Variants in NAALAD2 observed in about 807,000 individuals in gnomAD.
The protein encoded by NAALAD2 is N-acetylated alpha-linked acidic dipeptidase 2, also known as N-acetylated-alpha-linked acidic dipeptidase 2.
In NAALAD2, 89 loss-of-function variants were observed where a neutral mutation model predicts 95.6. That is an observed-to-expected ratio of 0.93 (90% CI 0.78 to 1.11). The LOEUF is 1.11. NAALAD2 is among the 50% of genes least tolerant of loss of function. The pLI is 0.00. For missense variants in NAALAD2, 894 were observed against 872.4 expected, an observed-to-expected ratio of 1.02 and a Z score of -0.31; for synonymous variants, 264 against 294.4, an observed-to-expected ratio of 0.90 and a Z score of 1.06.
intron 14 of NAALAD2, among the ~76,000 whole-genome samples, chr11:90,175,189 A>G (rs943368044): frequency 5.3e-5 from 8 of 152,178 alleles, no homozygotes; most frequent in South Asian, 4.1e-4. Context: ...CCTCATTTCA[A>G]ATCAGTCTTG....
intron 3 of NAALAD2, among the ~76,000 whole-genome samples, 161 bp downstream of exon 3, chr11:90,147,677 A>G (rs2000532): frequency 0.45 from 68,353 of 151,582 alleles, 16,412 homozygotes; most frequent in African/African-American, 0.62. Context: ...AATAAGACTA[A>G]GGCATGGTTC....
rs761547025 is a variant in NAALAD2 at position 90,177,930 on chromosome 11, C to A, written c.1671C>A (p.Asp557Glu). 2.5e-6 allele frequency: 4 copies of A among 1,613,642 alleles called. No individual in the cohort carries two copies. The highest frequency in any genetic ancestry group is 3.4e-6 in the Non-Finnish European group (4 of 1,179,870). Residue 557 changes from aspartate to glutamate, a missense_variant, in exon 16 of 19, where the codon GAC (aspartate) becomes GAA (glutamate). Coordinates refer to ENST00000534061, the MANE Select transcript of NAALAD2 (RefSeq NM_005467.4). ...ETFELVEKFY[D>E]PTFKKQLSVA... ...TTGAATTGGTAGAGAAATTTTATGA[C>A]CCCACATTTAAAAAACAACTTTCTG...
chr11:90,178,945 TGTA>T (rs1952886575), intron 16 of NAALAD2, among the ~76,000 whole-genome samples: 1 of 152,174 alleles, frequency 6.6e-6, no homozygotes, highest in African/African-American at 2.4e-5. Flanking sequence ...ATGCAGTGTA[TGTA>T]GTAGCATTGA....
At position 90,180,773 on chromosome 11, in the gene NAALAD2, A is replaced by G. The variant is rs1231876247; in HGVS notation, c.1859-847A>G. On this transcript the variant is annotated intron_variant, in intron 16 of 18. Coordinates refer to ENST00000534061, the MANE Select transcript of NAALAD2 (RefSeq NM_005467.4). ...CTCTATATTGGTGAGTTCTGCATCC[A>G]TGTATTCAACCAACTGCAAGCCAAA... Among the ~76,000 whole-genome samples the G allele has an allele frequency of 4.6e-5, 7 of 152,210 alleles. No homozygotes were observed. In the South Asian group the frequency reaches 8.3e-4, roughly 18 times the overall value.
chr11:90,167,010 C>T (rs904180437), intron 11 of NAALAD2, among the ~76,000 whole-genome samples: 2 of 152,164 alleles, frequency 1.3e-5, no homozygotes, highest in African/African-American at 4.8e-5. Context: ...ATTAGCCAGG[C>T]GTCGTGGTGA....
chr11:90,144,757 G>GAAAAAAAAAAA (rs1302696048), intron 2 of NAALAD2, among the ~76,000 whole-genome samples: 44 of 129,378 alleles, frequency 3.4e-4, no homozygotes, highest in African/African-American at 6.2e-4. Context: ...AAAAAAAAAC[G>GAAAAAAAAAAA]GAAAAGAAAG....
At chr11:90,185,571 G>C (rs1857112566) in intron 18 of NAALAD2, among the ~76,000 whole-genome samples, 1 of 152,062 alleles carries the variant, frequency 6.6e-6, no homozygotes, top group Non-Finnish European at 1.5e-5. Context: ...GGAGGGTAAG[G>C]CAGGGGGATT....
At chr11:90,146,343 A>T (rs1288943595) in intron 2 of NAALAD2, among the ~76,000 whole-genome samples, 3 of 47,942 alleles carry the variant, frequency 6.3e-5, no homozygotes, top group Non-Finnish European at 7.3e-5. Flanking sequence ...GGGGAGTTTA[A>T]TTTTTTTTTT....
intron 11 of NAALAD2, among the ~76,000 whole-genome samples, chr11:90,164,675 G>A (rs1464716699): frequency 1.3e-5 from 2 of 152,112 alleles, no homozygotes; most frequent in African/African-American, 4.8e-5. Flanking sequence ...AATCCACACA[G>A]TAAGTGATCA....
chr11:90,191,857 TTTTGATTATAG>T lies in NAALAD2; in HGVS notation c.*111_*121del, dbSNP rs1857338413. ...TGTTCTAAACTCTTTTCATGTCATG[TTTTGATTATAG>T]GCTTTGGTCTTTTCATCTGCAAAGC... On this transcript the variant is annotated 3_prime_UTR_variant, in exon 19 of 19. Coordinates refer to ENST00000534061, the MANE Select transcript of NAALAD2 (RefSeq NM_005467.4). The T allele has an allele frequency of 1.2e-6, 1 of 832,436 alleles. No homozygotes were observed. The highest frequency in any genetic ancestry group is 1.7e-6 in the Non-Finnish European group (1 of 592,118). 51.6% of individuals were successfully genotyped at this position (832,436 alleles called of 1,614,324 possible).
intron 8 of NAALAD2, among the ~76,000 whole-genome samples, chr11:90,160,920 A>G (rs1412683794): frequency 1.3e-5 from 2 of 152,210 alleles, no homozygotes; most frequent in East Asian, 3.8e-4. Context: ...AGAGATCTTG[A>G]AAATCCATTA....
chr11:90,181,836 C>T lies in NAALAD2; in HGVS notation c.1940+135C>T. 3 of 604,596 alleles carry T rather than the reference C, an allele frequency of 5.0e-6. No individual in the cohort carries two copies. The South Asian group carries it at 6.9e-5, about 14-fold the overall frequency. The allele number at this position is 604,596 out of a possible 1,614,324, so 37.5% of individuals were successfully genotyped here. A position where few individuals can be genotyped will look rare whatever the true frequency, so the allele number is the denominator to read the frequency against. Reference sequence around the variant, plus strand: ...ATTATAGTCTGCAAATCAGCAATAGCAGTAGTACCTGAGAACTTGTTAGAA... The same window carrying T: ...ATTATAGTCTGCAAATCAGCAATAGTAGTAGTACCTGAGAACTTGTTAGAA... On this transcript the variant is annotated intron_variant, in intron 17 of 18. Transcript: ENST00000534061.
At chr11:90,134,578 T>TC (rs769541978), upstream of NAALAD2, 16 of 592,494 alleles carry the variant, frequency 2.7e-5, no homozygotes, top group Non-Finnish European at 4.2e-5. Flanking sequence ...GGGCTTCCTT[T>TC]CCCCCATCGA....
intron 5 of NAALAD2, among the ~76,000 whole-genome samples, chr11:90,151,974 T>C (rs1951899407): frequency 6.6e-6 from 1 of 152,216 alleles, no homozygotes; most frequent in Non-Finnish European, 1.5e-5. Context: ...AGATATTTAA[T>C]AGATGTTTTA....
Position 90,182,912 on chromosome 11 carries a change from G to A in NAALAD2, c.1941-4G>A, listed in dbSNP as rs9804632. On this transcript the variant is annotated splice_polypyrimidine_tract_variant and splice_region_variant and intron_variant, in intron 17 of 18. Coordinates refer to ENST00000534061, the MANE Select transcript of NAALAD2 (RefSeq NM_005467.4). ...TTATAATTATGTATATGTTCTTCTCGAAGTCCCATTGCAGTGAGAATGATG... is the reference window on the plus strand; with the variant it reads ...TTATAATTATGTATATGTTCTTCTCAAAGTCCCATTGCAGTGAGAATGATG... The A allele has an allele frequency of 2.5e-6, 4 of 1,599,170 alleles. No homozygotes were observed. The highest frequency in any genetic ancestry group is 2.2e-5 in the South Asian group (2 of 90,458).
At chr11:90,155,881 A>C (rs936896807) in intron 6 of NAALAD2, among the ~76,000 whole-genome samples, 1 of 142,864 alleles carries the variant, frequency 7.0e-6, no homozygotes, top group Admixed American at 7.4e-5. Flanking sequence ...TGTAATGTAT[A>C]TGTAATATAT....
intron 13 of NAALAD2, among the ~76,000 whole-genome samples, chr11:90,173,186 T>C (rs187086200): frequency 0.015 from 2,205 of 151,218 alleles, 42 homozygotes; most frequent in African/African-American, 0.05. Context: ...TGTATATATA[T>C]ACACACACAC....
chr11:90,157,301 G>A (rs569448566), intron 6 of NAALAD2, among the ~76,000 whole-genome samples: 81 of 152,176 alleles, frequency 5.3e-4, no homozygotes, highest in African/African-American at 1.8e-3. Flanking sequence ...TAAAAAATAA[G>A]GTGTTTCAGG....
intron 14 of NAALAD2, 50 bp downstream of exon 14, chr11:90,173,965 C>T (rs1230426765): frequency 3.5e-6 from 4 of 1,154,656 alleles, no homozygotes; most frequent in East Asian, 2.4e-5. Flanking sequence ...TTATGAATTC[C>T]CCTCTGCCTC....
Sources: allele counts gnomAD v4.1 joint callset (sites outside exome capture counted in the v4.1 genomes callset), GRCh38; gene constraint gnomAD v4.1.1; transcripts MANE v1.5; gene names NCBI Gene and HGNC (gene_info 2026-07-23, HGNC 2026-07-21).